Variants in NCALD observed in about 807,000 individuals in gnomAD.
NCALD encodes neurocalcin delta, also known as neurocalcin-delta.
A neutral mutation model predicts 18.6 loss-of-function variants in NCALD; 10 were observed. The ratio of observed to expected loss-of-function variants is 0.54; its 90% CI spans 0.33 to 0.91. NCALD has a LOEUF of 0.91. Among genes scored for constraint, NCALD ranks in the 40% least tolerant of loss-of-function variants. The pLI is 0.03. For synonymous variants in NCALD, 88 were observed against 87.4 expected (o/e 1.01, Z -0.04); for missense variants, 184 against 247.6 (o/e 0.74, Z 1.72).
At chr8:102,096,995 G>T (rs778352157) in intron 1 of NCALD, among the ~76,000 whole-genome samples, 125 of 152,080 alleles carry the variant, frequency 8.2e-4, no homozygotes, top group Non-Finnish European at 1.3e-3. Context: ...GAGGTACTGG[G>T]GGCCTAAGAC....
intron 4 of NCALD, among the ~76,000 whole-genome samples, chr8:101,827,484 C>T (rs756698653): frequency 3.3e-5 from 5 of 152,208 alleles, no homozygotes; most frequent in Admixed American, 2.0e-4. Flanking sequence ...GAGATCATGC[C>T]TTTTGCTTTG....
intron 4 of NCALD, among the ~76,000 whole-genome samples, chr8:101,870,241 A>C (rs1815947964): frequency 6.6e-6 from 1 of 152,194 alleles, no homozygotes. Flanking sequence ...ATAAAGAAAA[A>C]TGACTTTTTT....
intron 4 of NCALD, among the ~76,000 whole-genome samples, chr8:101,822,864 T>G (rs1197664738): frequency 2.0e-5 from 3 of 152,228 alleles, no homozygotes; most frequent in South Asian, 2.1e-4. Context: ...CTCTTTTTTG[T>G]TCCTTCAGCT....
chr8:102,016,733 T>C (rs1554579372), intron 2 of NCALD, among the ~76,000 whole-genome samples: 1 of 152,196 alleles, frequency 6.6e-6, no homozygotes, highest in Non-Finnish European at 1.5e-5. Flanking sequence ...TACCCAATTC[T>C]GAGTAACAAT....
At chr8:102,006,310 C>G (rs954312218) in intron 2 of NCALD, among the ~76,000 whole-genome samples, 5 of 146,592 alleles carry the variant, frequency 3.4e-5, no homozygotes, top group Non-Finnish European at 7.6e-5. Flanking sequence ...CATTGGTTCT[C>G]TTTTTTTTTT....
chr8:101,690,032 GGGT>G (rs1814647865), intron 3 of NCALD, among the ~76,000 whole-genome samples: 2 of 152,200 alleles, frequency 1.3e-5, no homozygotes, highest in African/African-American at 4.8e-5. Context: ...GGTAACCCAT[GGGT>G]TTCTGCCTCT....
At chr8:102,020,319 T>C (rs948160552) in intron 1 of NCALD, 5 of 152,222 alleles carry the variant, frequency 3.3e-5, no homozygotes, top group South Asian at 2.1e-4. Context: ...TGTCTTAGCT[T>C]ATCAGGAACT....
At chr8:101,691,470 T>A in intron 3 of NCALD, 12 of 985,314 alleles carry the variant, frequency 1.2e-5, no homozygotes, top group Non-Finnish European at 1.4e-5. Flanking sequence ...TCCTGTGACA[T>A]CTGATCTTCT....
rs115635165 is a variant in NCALD at position 101,994,036 on chromosome 8, A to G, written c.-157+26201T>C. ...AACTTATGAGGAGGTAGACATTAAAATAAGTGTTATGTTCACCAAAGCAAT... is the reference window on the plus strand; with the variant it reads ...AACTTATGAGGAGGTAGACATTAAAGTAAGTGTTATGTTCACCAAAGCAAT... On this transcript the variant is annotated intron_variant, in intron 2 of 6. Coordinates refer to the NCALD transcript ENST00000311028. 7.6e-3 allele frequency among the ~76,000 whole-genome samples: 1,157 copies of G among 152,350 alleles called. 16 individuals carry two copies. The highest frequency in any genetic ancestry group is 0.023 in the African/African-American group (959 of 41,562).
At chr8:101,856,359 G>A (rs2061144126) in intron 4 of NCALD, among the ~76,000 whole-genome samples, 1 of 152,084 alleles carries the variant, frequency 6.6e-6, no homozygotes, top group South Asian at 2.1e-4. Context: ...TTTTCTTTGA[G>A]ATGAGGTTTC....
intron 2 of NCALD, chr8:102,020,232 C>A (rs1822227196): frequency 6.6e-6 from 1 of 152,160 alleles, no homozygotes; most frequent in Admixed American, 6.6e-5. Context: ...TTGTTCTATA[C>A]TTACCTAGTG....
chr8:102,099,981 C>CAAA (rs1360552443), intron 1 of NCALD, among the ~76,000 whole-genome samples: 2 of 73,202 alleles, frequency 2.7e-5, no homozygotes, highest in Non-Finnish European at 2.9e-5. Context: ...GACTCTGTCT[C>CAAA]AAAAAAAAAA....
At position 101,908,494 on chromosome 8, in the gene NCALD, G is replaced by A. The variant is rs145226975; in HGVS notation, c.-107+7315C>T. On this transcript the variant is annotated intron_variant, in intron 3 of 6. Transcript: ENST00000311028. ...ACAATATTTCCATCTTTCATTTCACGGAACCATGTTCTTGCATGCAGTAAA... is the reference window on the plus strand; with the variant it reads ...ACAATATTTCCATCTTTCATTTCACAGAACCATGTTCTTGCATGCAGTAAA... 4.6e-5 allele frequency among the ~76,000 whole-genome samples: 7 copies of A among 152,104 alleles called. No individual in the cohort carries two copies. In the East Asian group the frequency reaches 9.7e-4, roughly 21 times the overall value.
At chr8:101,823,556 A>G (rs532741508) in intron 4 of NCALD, among the ~76,000 whole-genome samples, 4 of 152,234 alleles carry the variant, frequency 2.6e-5, no homozygotes, top group Non-Finnish European at 5.9e-5. Flanking sequence ...GCAAATAAAA[A>G]AAATGTAAAA....
intron 2 of NCALD, among the ~76,000 whole-genome samples, chr8:101,943,590 G>T (rs943076139): frequency 1.3e-5 from 2 of 152,174 alleles, no homozygotes; most frequent in African/African-American, 4.8e-5. Flanking sequence ...AGCTGAAGAG[G>T]CATCACGTTA....
chr8:102,000,976 C>T (rs1801412755), intron 2 of NCALD, among the ~76,000 whole-genome samples: 2 of 152,228 alleles, frequency 1.3e-5, no homozygotes, highest in African/African-American at 4.8e-5. Context: ...TGCCTCTCCT[C>T]CTCCAAAGGA....
chr8:101,875,789 T>G (rs1816205759), intron 4 of NCALD, among the ~76,000 whole-genome samples: 1 of 152,202 alleles, frequency 6.6e-6, no homozygotes, highest in African/African-American at 2.4e-5. Flanking sequence ...GACAAAGAAT[T>G]AAACAAGCTG....
chr8:101,689,293 T>C lies in NCALD; in HGVS notation c.*16A>G, dbSNP rs540037709. On this transcript the variant is annotated 3_prime_UTR_variant, in exon 4 of 4. Coordinates refer to ENST00000220931, the MANE Select transcript of NCALD (RefSeq NM_032041.3). This position sits in a 1 kb window ranked among gnomAD's most constrained non-coding sequence, Gnocchi z 4.4. The stretch of plus-strand genomic sequence containing the variant: ...GAACACAAGCAGCTCTACAATTCGA[T>C]TGGTGGGCGCAGGGCTCAGAACTGG... 2.5e-6 allele frequency: 4 copies of C among 1,610,858 alleles called. No individual in the cohort carries two copies. The African/African-American group carries it at 4.0e-5, about 16-fold the overall frequency.
At chr8:102,052,233 A>G (rs896985103) in intron 1 of NCALD, among the ~76,000 whole-genome samples, 7 of 152,198 alleles carry the variant, frequency 4.6e-5, no homozygotes, top group Non-Finnish European at 7.3e-5. Flanking sequence ...TGCAGATCTC[A>G]GTAATTGCAG....
Sources: gnomAD v4.1 joint callset for allele counts (sites outside exome capture counted in the v4.1 genomes callset) on GRCh38, gnomAD v4.1.1 for gene constraint, Gnocchi (gnomAD v3.1) non-coding constraint, MANE v1.5 for transcripts, NCBI Gene and HGNC (gene_info 2026-07-23, HGNC 2026-07-21) for gene names.